The following CCSER1 variants were observed in gnomAD, a reference collection of about 807,000 sequenced individuals.
CCSER1 encodes coiled-coil serine rich protein 1.
In CCSER1, 41 loss-of-function variants were observed where a neutral mutation model predicts 82.0. The ratio of observed to expected loss-of-function variants is 0.50; its 90% CI spans 0.39 to 0.65. The LOEUF is 0.65. Among genes scored for constraint, CCSER1 ranks in the 30% least tolerant of loss-of-function variants. The pLI is 0.00. For missense variants in CCSER1, 1,119 were observed against 1,064.2 expected (o/e 1.05, Z -0.72); for synonymous variants, 414 against 383.9 (o/e 1.08, Z -0.92).
intron 3 of CCSER1, among the ~76,000 whole-genome samples, chr4:90,358,292 A>G (rs1744706538): frequency 6.6e-6 from 1 of 152,092 alleles, no homozygotes; most frequent in Non-Finnish European, 1.5e-5. Flanking sequence ...TACACATTCC[A>G]TGTAGTCAAA....
At chr4:90,974,823 T>C (rs1382695063) in intron 9 of CCSER1, among the ~76,000 whole-genome samples, 1 of 151,450 alleles carries the variant, frequency 6.6e-6, no homozygotes, top group Non-Finnish European at 1.5e-5. Context: ...TCTTAATCTA[T>C]TAAACATAGA....
intron 3 of CCSER1, among the ~76,000 whole-genome samples, chr4:90,396,294 A>G (rs1346245865): frequency 1.3e-5 from 2 of 152,078 alleles, no homozygotes; most frequent in African/African-American, 4.8e-5. Flanking sequence ...GTGTTAATCA[A>G]TTGCTGGATT....
At chr4:90,631,535 G>C (rs1184817435) in intron 6 of CCSER1, among the ~76,000 whole-genome samples, 1 of 152,088 alleles carries the variant, frequency 6.6e-6, no homozygotes, top group Admixed American at 6.6e-5. Context: ...AAAATTTTTG[G>C]CTTAATCTGT....
intron 3 of CCSER1, among the ~76,000 whole-genome samples, chr4:90,372,761 A>T (rs774040730): frequency 1.6e-4 from 21 of 133,822 alleles, no homozygotes; most frequent in Non-Finnish European, 2.9e-4. Flanking sequence ...AAAAACGTAT[A>T]AAAAAAAAAG....
chr4:90,616,032 G>A (rs906207483), intron 5 of CCSER1, among the ~76,000 whole-genome samples: 2 of 152,102 alleles, frequency 1.3e-5, no homozygotes, highest in Admixed American at 6.5e-5. Context: ...CAAAAGATTA[G>A]GACTCATTGA....
At chr4:91,005,042 C>G (rs1738381257) in intron 9 of CCSER1, among the ~76,000 whole-genome samples, 1 of 152,112 alleles carries the variant, frequency 6.6e-6, no homozygotes, top group Non-Finnish European at 1.5e-5. Flanking sequence ...CCTGGACATC[C>G]CTTTCCAAAT....
chr4:90,278,773 C>T (rs900731654), intron 1 of CCSER1, among the ~76,000 whole-genome samples: 2 of 152,000 alleles, frequency 1.3e-5, no homozygotes, highest in Non-Finnish European at 2.9e-5. Flanking sequence ...CAAGCCTCAA[C>T]ATTACACATT....
intron 10 of CCSER1, among the ~76,000 whole-genome samples, chr4:91,177,044 G>C (rs942357352): frequency 3.3e-5 from 5 of 152,060 alleles, no homozygotes; most frequent in Non-Finnish European, 7.4e-5. Context: ...GTTGAATTTT[G>C]TCGAAGGCCT....
At chr4:91,424,990 CTTGAA>C (rs1753889039) in intron 10 of CCSER1, among the ~76,000 whole-genome samples, 1 of 151,972 alleles carries the variant, frequency 6.6e-6, no homozygotes, top group Admixed American at 6.6e-5. Flanking sequence ...ATTAATTTGA[CTTGAA>C]TTGGACATGT....
At chr4:90,189,574 A>C (rs1735243801) in intron 1 of CCSER1, among the ~76,000 whole-genome samples, 1 of 151,852 alleles carries the variant, frequency 6.6e-6, no homozygotes, top group African/African-American at 2.4e-5. Context: ...ATATATACAT[A>C]TATATACCAT....
intron 10 of CCSER1, among the ~76,000 whole-genome samples, chr4:91,172,831 G>A (rs1732904183): frequency 1.4e-5 from 1 of 69,666 alleles, no homozygotes; most frequent in Non-Finnish European, 3.8e-5. Context: ...CTGTGTTAAT[G>A]TAAAAAAATA....
At chr4:90,579,403 G>A (rs1781161230) in intron 5 of CCSER1, among the ~76,000 whole-genome samples, 2 of 152,110 alleles carry the variant, frequency 1.3e-5, no homozygotes, top group South Asian at 4.1e-4. Flanking sequence ...TGACAAAGCA[G>A]CAAGGGCAAA....
At chr4:90,900,647 G>A (rs184609015) in intron 8 of CCSER1, among the ~76,000 whole-genome samples, 1 of 151,814 alleles carries the variant, frequency 6.6e-6, no homozygotes, top group East Asian at 1.9e-4. Context: ...ATTGCACTGT[G>A]GTCTGAGAAG....
chr4:90,922,384 G>A (rs1413094753), intron 8 of CCSER1, among the ~76,000 whole-genome samples: 4 of 151,794 alleles, frequency 2.6e-5, no homozygotes, highest in African/African-American at 9.7e-5. Flanking sequence ...TTGAGAGTGA[G>A]GTTCTTGATA....
At chr4:90,665,710 G>C (rs1171255411) in intron 6 of CCSER1, among the ~76,000 whole-genome samples, 1 of 152,208 alleles carries the variant, frequency 6.6e-6, no homozygotes, top group Non-Finnish European at 1.5e-5. Context: ...TTACAAAGCA[G>C]TGGGGTATTA....
At chr4:90,583,817 A>T (rs1781689026) in intron 5 of CCSER1, among the ~76,000 whole-genome samples, 1 of 152,150 alleles carries the variant, frequency 6.6e-6, no homozygotes, top group Non-Finnish European at 1.5e-5. Flanking sequence ...TTTTTTTTCA[A>T]ATATGAAAGG....
intron 5 of CCSER1, among the ~76,000 whole-genome samples, chr4:90,586,880 C>T (rs917739532): frequency 6.6e-6 from 1 of 152,192 alleles, no homozygotes; most frequent in Non-Finnish European, 1.5e-5. Flanking sequence ...TGTCTCTTCT[C>T]TAACTGTGAA....
rs527328117 is a variant in CCSER1, at chr4:90,844,229, GAGAA to G, written c.2094+28388_2094+28391del. Among the ~76,000 whole-genome samples, 225 of 152,032 alleles carry G rather than the reference GAGAA, an allele frequency of 1.5e-3. 2 individuals are homozygous for G. The highest frequency in any genetic ancestry group is 0.013 in the Admixed American group (198 of 15,242). On this transcript the variant is annotated intron_variant, in intron 8 of 10. Transcript: ENST00000509176. ...ATATATATATATGTATAGAGAGAGAGAGAAAGAGAGGAAGACAGATATGTAGCAA... is the reference window on the plus strand; with the variant it reads ...ATATATATATATGTATAGAGAGAGAGAGAGAGGAAGACAGATATGTAGCAA...
chr4:91,142,306 T>C (rs1729117107), intron 10 of CCSER1, among the ~76,000 whole-genome samples: 1 of 152,202 alleles, frequency 6.6e-6, no homozygotes, highest in Non-Finnish European at 1.5e-5. Flanking sequence ...TCTCTTGCTT[T>C]CTGCCATGAT....
Sources: gnomAD v4.1 joint callset for allele counts (sites outside exome capture counted in the v4.1 genomes callset) on GRCh38, gnomAD v4.1.1 for gene constraint, MANE v1.5 for transcripts, NCBI Gene and HGNC (gene_info 2026-07-23, HGNC 2026-07-21) for gene names.